The following ST14 variants were observed in gnomAD, a reference collection of about 807,000 sequenced individuals.
ST14 encodes the protein ST14 transmembrane serine protease matriptase, also known as suppressor of tumorigenicity 14 protein.
Under a neutral mutation model 96.5 loss-of-function variants are expected in ST14, and 40 were observed. The observed-to-expected ratio is 0.41, with a 90% confidence interval of 0.32 to 0.54. ST14 has a LOEUF of 0.54. Among genes scored for constraint, ST14 ranks in the 20% least tolerant of loss-of-function variants. ST14 has a pLI of 0.17. For missense variants in ST14, 1,066 were observed against 1,188.9 expected, an observed-to-expected ratio of 0.90 and a Z score of 1.52; for synonymous variants, 506 against 492.1, an observed-to-expected ratio of 1.03 and a Z score of -0.37.
chr11:130,191,583 G>A (rs910086551), intron 7 of ST14, among the ~76,000 whole-genome samples: 5 of 151,620 alleles, frequency 3.3e-5, no homozygotes, highest in Admixed American at 2.0e-4. Context: ...CCAGCTACTC[G>A]GGAGGCCAAG....
In ST14 at chr11:130,188,430, C is replaced by A; in HGVS notation, c.242-100C>A. On this transcript the variant is annotated intron_variant, in intron 2 of 18. Coordinates refer to ENST00000278742, the MANE Select transcript of ST14 (RefSeq NM_021978.4). This position sits in a 1 kb window ranked among gnomAD's most constrained non-coding sequence, Gnocchi z 5.4. ...GTGATGGGAAGCAGTCAGGGCTGACCCATGGCCCCCTCCTGGCATTCATTC... is the reference window on the plus strand; with the variant it reads ...GTGATGGGAAGCAGTCAGGGCTGACACATGGCCCCCTCCTGGCATTCATTC... 6.2e-7 allele frequency: 1 copy of A among 1,602,268 alleles called. No homozygotes were observed. The highest frequency in any genetic ancestry group is 8.5e-7 in the Non-Finnish European group (1 of 1,174,880).
Position 130,194,270 on chromosome 11 carries a change from C to G in ST14, c.997C>G (p.Gln333Glu), listed in dbSNP as rs1953335574. The change falls in exon 8 of 19, where the codon CAG (glutamine) becomes GAG (glutamate). Residue 333 changes from glutamine (Q) to glutamate (E), a missense_variant. Coordinates refer to ENST00000278742, the MANE Select transcript of ST14 (RefSeq NM_021978.4). ...RHPGFEATFF[Q>E]LPRMSSCGGR... Reference sequence around the variant, plus strand: ...TCCCGGCTTTGAGGCCACCTTCTTCCAGCTGCCTAGGATGAGCAGTAAGGA... The same window carrying G: ...TCCCGGCTTTGAGGCCACCTTCTTCGAGCTGCCTAGGATGAGCAGTAAGGA... The G allele has an allele frequency of 1.2e-6, 2 of 1,614,120 alleles. No individual in the cohort carries two copies. Among genetic ancestry groups the G allele is most frequent in the African/African-American group, 2.7e-5 (2 of 74,944 alleles).
At chr11:130,163,967 C>T (rs574714741) in intron 1 of ST14, among the ~76,000 whole-genome samples, 40 of 152,304 alleles carry the variant, frequency 2.6e-4, no homozygotes, top group Admixed American at 7.8e-4. Context: ...TCACTCTGCT[C>T]CCTGGGAACC....
chr11:130,163,649 C>A (rs1462209955), intron 1 of ST14, among the ~76,000 whole-genome samples: 1 of 152,152 alleles, frequency 6.6e-6, no homozygotes, highest in Admixed American at 6.6e-5. Flanking sequence ...CAGAAAGCAG[C>A]AGGAAGCTAG....
intron 1 of ST14, among the ~76,000 whole-genome samples, chr11:130,186,008 A>G (rs187032210): frequency 7.9e-5 from 12 of 152,176 alleles, no homozygotes; most frequent in African/African-American, 2.6e-4. Context: ...GGGTATCACC[A>G]TGTTGGCTGG....
intron 5 of ST14, 70 bp from the exon 6 acceptor site, chr11:130,190,043 A>G: frequency 6.2e-7 from 1 of 1,613,228 alleles, no homozygotes; most frequent in Non-Finnish European, 8.5e-7. Context: ...CTCCCTTTAG[A>G]TAATAAGGAA....
intron 16 of ST14, among the ~76,000 whole-genome samples, chr11:130,204,091 C>T (rs1482518227): frequency 6.6e-6 from 1 of 152,194 alleles, no homozygotes; most frequent in African/African-American, 2.4e-5. Context: ...CAGCTTTCTA[C>T]CCAGTCCTCT....
In ST14 at chr11:130,187,801, G is replaced by C. The variant is rs889599768; in HGVS notation, c.82-313G>C. On this transcript the variant is annotated intron_variant, in intron 1 of 18. Transcript: ENST00000278742. The surrounding 1 kb of genome is among the most constrained non-coding windows in gnomAD (Gnocchi z 4.5). ...AGGGGAGACCTGGATGACCGGGTTCGACAGCCCTTCATTGCGTTTTAATTT... is the reference window on the plus strand; with the variant it reads ...AGGGGAGACCTGGATGACCGGGTTCCACAGCCCTTCATTGCGTTTTAATTT... 1.3e-5 allele frequency among the ~76,000 whole-genome samples: 2 copies of C among 152,190 alleles called. No individual in the cohort carries two copies. The highest frequency in any genetic ancestry group is 6.5e-5 in the Admixed American group (1 of 15,278).
Position 130,208,589 on chromosome 11 carries a change from C to T in ST14, c.2174C>T (p.Ser725Phe). ...LELEKPAEYS[S>F]MVRPICLPDA... ...CTGGAGAAACCGGCAGAGTACAGCT[C>T]CATGGTGCGGCCCATCTGCCTGCCG... is the stretch of plus-strand genomic sequence containing the variant. The change falls in exon 17 of 19, where the codon TCC becomes TTC. Residue 725 changes from serine to phenylalanine, a missense_variant. By Grantham distance (155) the Ser-to-Phe change is radical. Transcript: ENST00000278742. The T allele has an allele frequency of 6.2e-7, 1 of 1,614,168 alleles. No individual in the cohort carries two copies.
intron 1 of ST14, among the ~76,000 whole-genome samples, chr11:130,164,475 A>G (rs1178925015): frequency 1.3e-5 from 2 of 151,432 alleles, no homozygotes; most frequent in African/African-American, 4.9e-5. Context: ...GCTGGAGTGC[A>G]ATGGTGCAAT....
rs56764956 is a variant in ST14, at chr11:130,176,788, C to CTTT, written c.82-11300_82-11298dup. On this transcript the variant is annotated intron_variant, in intron 1 of 18. Coordinates refer to ENST00000278742, the MANE Select transcript of ST14 (RefSeq NM_021978.4). ...AGGGATTTTTTCTTTTAGGGCTTAA[C>CTTT]TTTTTTTTTTTTTTTTTTTTTTTTT... 3.5e-4 allele frequency among the ~76,000 whole-genome samples: 21 copies of CTTT among 59,246 alleles called. 2 individuals are homozygous for CTTT. The highest frequency in any genetic ancestry group is 4.7e-4 in the Non-Finnish European group (14 of 29,564). The allele number at this position is 59,246 out of a possible 152,430, so 38.9% of individuals were successfully genotyped here. A position where few individuals can be genotyped will look rare whatever the true frequency, so the allele number is the denominator to read the frequency against.
intron 7 of ST14, 34 bp downstream of exon 7, chr11:130,190,728 A>G: frequency 6.5e-7 from 1 of 1,539,982 alleles, no homozygotes; most frequent in Non-Finnish European, 8.8e-7. Flanking sequence ...GGGCTGTGGG[A>G]GCTTGGCGGC....
At chr11:130,176,788 C>CTTTTT (rs56764956) in intron 1 of ST14, among the ~76,000 whole-genome samples, 8 of 59,244 alleles carry the variant, frequency 1.4e-4, no homozygotes, top group Admixed American at 2.0e-4. Context: ...TAGGGCTTAA[C>CTTTTT]TTTTTTTTTT....
chr11:130,177,697 G>C (rs1466334380), intron 1 of ST14, among the ~76,000 whole-genome samples: 3 of 152,252 alleles, frequency 2.0e-5, no homozygotes, highest in African/African-American at 7.2e-5. Context: ...GGAGCTACAG[G>C]ACCTGGGTAA....
Position 130,210,070 on chromosome 11 carries a change from T to G in ST14, c.*247T>G. ...ACTGACCCAACTGGGGGCAAAGGTT[T>G]GAAGACACAGCCTCCCCCGCCAGCC... On this transcript the variant is annotated 3_prime_UTR_variant, in exon 19 of 19. Transcript: ENST00000278742. The G allele has an allele frequency of 1.9e-6, 1 of 539,994 alleles. No homozygotes were observed. Among genetic ancestry groups the G allele is most frequent in the Non-Finnish European group, 3.3e-6 (1 of 305,978 alleles). 33.5% of individuals were successfully genotyped at this position (539,994 alleles called of 1,614,324 possible). A position where few individuals can be genotyped will look rare whatever the true frequency, so the allele number is the denominator to read the frequency against.
intron 16 of ST14, among the ~76,000 whole-genome samples, chr11:130,201,535 C>T (rs1000345812): frequency 2.6e-5 from 4 of 152,244 alleles, no homozygotes; most frequent in African/African-American, 7.2e-5. Flanking sequence ...GGGGAGTGGA[C>T]CCAGTTCCAT....
intron 1 of ST14, among the ~76,000 whole-genome samples, chr11:130,173,363 C>T (rs1032529594): frequency 2.6e-5 from 4 of 152,048 alleles, no homozygotes; most frequent in African/African-American, 9.7e-5. Context: ...TTTGGGAGGC[C>T]GAGGAGAGCA....
chr11:130,190,304 G>T, intron 6 of ST14, 150 bp from the exon 7 acceptor site: 1 of 1,478,160 alleles, frequency 6.8e-7, no homozygotes, highest in South Asian at 1.2e-5. Flanking sequence ...CTTCTGAGAA[G>T]CCCCCTTCCT....
At chr11:130,163,112 CAAG>C (rs1412297609) in intron 1 of ST14, among the ~76,000 whole-genome samples, 1 of 152,140 alleles carries the variant, frequency 6.6e-6, no homozygotes. Context: ...TTGAGACAAG[CAAG>C]AAGATCGTAT....
Sources: allele counts gnomAD v4.1 joint callset (sites outside exome capture counted in the v4.1 genomes callset), GRCh38; gene constraint gnomAD v4.1.1; non-coding constraint Gnocchi (gnomAD v3.1); transcripts MANE v1.5; gene names NCBI Gene and HGNC (gene_info 2026-07-23, HGNC 2026-07-21).